The following CHCHD6 variants were observed in gnomAD, a reference collection of about 807,000 sequenced individuals.
CHCHD6 encodes coiled-coil-helix-coiled-coil-helix domain containing 6.
CHCHD6 carries 28 observed loss-of-function variants against 32.3 expected under a neutral mutation model. The ratio of observed to expected loss-of-function variants is 0.87; its 90% CI spans 0.64 to 1.19. CHCHD6 has a LOEUF of 1.19. Among genes scored for constraint, CHCHD6 ranks in the 50% most tolerant of loss-of-function variants. CHCHD6 has a pLI of 0.00. For missense variants in CHCHD6, 333 were observed against 307.0 expected (o/e 1.08, Z -0.63); for synonymous variants, 122 against 117.5 (o/e 1.04, Z -0.25).
At chr3:126,746,998 G>T (rs779524580) in intron 4 of CHCHD6, among the ~76,000 whole-genome samples, 3 of 152,182 alleles carry the variant, frequency 2.0e-5, no homozygotes, top group Non-Finnish European at 4.4e-5. Flanking sequence ...CGGGAGTACT[G>T]GGGGAGCCTC....
At chr3:126,825,101 G>C (rs1410758507) in intron 4 of CHCHD6, among the ~76,000 whole-genome samples, 4 of 151,326 alleles carry the variant, frequency 2.6e-5, no homozygotes, top group African/African-American at 9.7e-5. Context: ...CCACAATTTG[G>C]TATATCACAT....
intron 6 of CHCHD6, among the ~76,000 whole-genome samples, chr3:126,916,772 G>A (rs1576599182): frequency 6.6e-6 from 1 of 152,244 alleles, no homozygotes; most frequent in Non-Finnish European, 1.5e-5. Context: ...AGCTGTGGTG[G>A]CAGCCACATC....
rs147001145 is a variant in CHCHD6, at chr3:126,797,840, A to G, written c.412-54807A>G. ...CCACTCGGTGTGGTGTGGCACACCAAGCTCTCCCCCATGGTGTGGTGTGTC... is the reference window on the plus strand; with the variant it reads ...CCACTCGGTGTGGTGTGGCACACCAGGCTCTCCCCCATGGTGTGGTGTGTC... On this transcript the variant is annotated intron_variant, in intron 4 of 7. Coordinates refer to ENST00000290913, the MANE Select transcript of CHCHD6 (RefSeq NM_032343.3). 1.2e-4 allele frequency among the ~76,000 whole-genome samples: 19 copies of G among 152,212 alleles called. No individual in the cohort carries two copies. In the East Asian group the frequency reaches 3.5e-3, roughly 28 times the overall value.
chr3:126,810,334 C>G (rs1028439269), intron 4 of CHCHD6, among the ~76,000 whole-genome samples: 8 of 152,102 alleles, frequency 5.3e-5, no homozygotes, highest in South Asian at 2.1e-4. Context: ...TGTGCAAGAG[C>G]AAAATCTTTA....
chr3:126,872,375 T>A (rs2077486954), intron 5 of CHCHD6, among the ~76,000 whole-genome samples: 1 of 152,182 alleles, frequency 6.6e-6, no homozygotes, highest in East Asian at 1.9e-4. Context: ...GCTCTATTTT[T>A]TTTTAAGTGC....
chr3:126,738,830 A>G (rs1440370936), intron 4 of CHCHD6, among the ~76,000 whole-genome samples: 1 of 152,258 alleles, frequency 6.6e-6, no homozygotes, highest in Non-Finnish European at 1.5e-5. Context: ...GGCTTTCATT[A>G]TAATGATATT....
chr3:126,748,603 A>C (rs1050345328), intron 4 of CHCHD6, among the ~76,000 whole-genome samples: 3 of 151,806 alleles, frequency 2.0e-5, no homozygotes, highest in African/African-American at 7.2e-5. Flanking sequence ...TCCAAAAAAA[A>C]AAAAAAAAAG....
At chr3:126,844,342 ATTTATAT>A (rs1941211650) in intron 4 of CHCHD6, among the ~76,000 whole-genome samples, 1 of 152,166 alleles carries the variant, frequency 6.6e-6, no homozygotes, top group South Asian at 2.1e-4. Context: ...TTGTGGATTT[ATTTATAT>A]TCCTCTTTAG....
At chr3:126,796,925 G>A (rs1252875660) in intron 4 of CHCHD6, among the ~76,000 whole-genome samples, 2 of 152,196 alleles carry the variant, frequency 1.3e-5, no homozygotes, top group African/African-American at 4.8e-5. Flanking sequence ...GGGCCAGGAG[G>A]CCCTTAGGTA....
At chr3:126,859,793 T>C (rs1378706772) in intron 5 of CHCHD6, among the ~76,000 whole-genome samples, 2 of 152,012 alleles carry the variant, frequency 1.3e-5, no homozygotes, top group African/African-American at 4.8e-5. Flanking sequence ...CCCGCATCAG[T>C]GAGTGGAGAA....
At chr3:126,772,934 T>C (rs752579982) in intron 4 of CHCHD6, among the ~76,000 whole-genome samples, 1 of 152,224 alleles carries the variant, frequency 6.6e-6, no homozygotes, top group Non-Finnish European at 1.5e-5. Context: ...TGGTAATGAA[T>C]TCCCTCAGCA....
chr3:126,725,233 A>G (rs533444475), intron 1 of CHCHD6, among the ~76,000 whole-genome samples: 1 of 152,318 alleles, frequency 6.6e-6, no homozygotes, highest in Admixed American at 6.5e-5. Context: ...TCCTTGATCC[A>G]TGGGCTACAG....
intron 6 of CHCHD6, among the ~76,000 whole-genome samples, chr3:126,952,565 C>T (rs960580615): frequency 6.6e-6 from 1 of 152,104 alleles, no homozygotes; most frequent in African/African-American, 2.4e-5. Flanking sequence ...AGGCAGGTGC[C>T]GTCAGCTGAG....
chr3:126,833,024 G>A (rs1016097262), intron 4 of CHCHD6, among the ~76,000 whole-genome samples: 5 of 152,186 alleles, frequency 3.3e-5, no homozygotes, highest in Admixed American at 2.0e-4. Context: ...AGAAAGTTAC[G>A]GGAAGGAATG....
chr3:126,757,172 C>G (rs576319823), intron 4 of CHCHD6, among the ~76,000 whole-genome samples: 3 of 152,286 alleles, frequency 2.0e-5, no homozygotes, highest in East Asian at 3.9e-4. Flanking sequence ...ACATGACACT[C>G]AAAGGAAATG....
At chr3:126,721,912 A>G (rs923885048) in intron 1 of CHCHD6, among the ~76,000 whole-genome samples, 2 of 151,994 alleles carry the variant, frequency 1.3e-5, no homozygotes, top group Non-Finnish European at 2.9e-5. Flanking sequence ...CCATGTTATA[A>G]TGTGTCAGTA....
chr3:126,902,716 CAA>C (rs748684166), intron 5 of CHCHD6, among the ~76,000 whole-genome samples: 36 of 95,550 alleles, frequency 3.8e-4, no homozygotes, highest in African/African-American at 7.9e-4. Flanking sequence ...GACTCCATCT[CAA>C]AAAAAAAAAA....
At chr3:126,868,828 A>C (rs183658175) in intron 5 of CHCHD6, among the ~76,000 whole-genome samples, 5 of 152,170 alleles carry the variant, frequency 3.3e-5, no homozygotes, top group Admixed American at 3.3e-4. Context: ...TAGCTGCCTA[A>C]ACTTGTTTTC....
At chr3:126,737,390 G>GTATATATGTATA (rs1553726483) in intron 4 of CHCHD6, among the ~76,000 whole-genome samples, 18 of 132,636 alleles carry the variant, frequency 1.4e-4, no homozygotes, top group African/African-American at 4.7e-4. Flanking sequence ...TGATGTGTGA[G>GTATATATGTATA]TATATATATA....
Sources: gnomAD v4.1 joint callset for allele counts (sites outside exome capture counted in the v4.1 genomes callset) on GRCh38, gnomAD v4.1.1 for gene constraint, MANE v1.5 for transcripts, NCBI Gene and HGNC (gene_info 2026-07-23, HGNC 2026-07-21) for gene names.